Variants in STK32B observed in about 807,000 individuals in gnomAD.
STK32B encodes serine/threonine kinase 32B, also known as serine/threonine-protein kinase 32B.
In STK32B, 43 loss-of-function variants were observed where a neutral mutation model predicts 52.6. That is an observed-to-expected ratio of 0.82 (90% CI 0.64 to 1.05). The LOEUF (loss-of-function observed/expected upper bound fraction) is 1.05. Ranked by LOEUF, STK32B falls within the 50% of genes least tolerant of loss-of-function variation. The pLI is 0.00. For synonymous variants in STK32B, 238 were observed against 204.3 expected (o/e 1.17, Z -1.41); for missense variants, 621 against 534.6 (o/e 1.16, Z -1.59).
At chr4:5,100,404 TC>T (rs1218745071) in intron 1 of STK32B, among the ~76,000 whole-genome samples, 1 of 139,668 alleles carries the variant, frequency 7.2e-6, no homozygotes, top group Non-Finnish European at 1.5e-5. Flanking sequence ...CTTCTTTCCT[TC>T]CTCCCTCCCT....
At chr4:5,242,742 A>C (rs1213711231) in intron 3 of STK32B, among the ~76,000 whole-genome samples, 1 of 152,130 alleles carries the variant, frequency 6.6e-6, no homozygotes, top group East Asian at 1.9e-4. Flanking sequence ...TCCATCTTGC[A>C]TTAATTTTTG....
In STK32B at chr4:5,400,061, T is replaced by C. The variant is rs950736694; in HGVS notation, c.472+1817T>C. Among the ~76,000 whole-genome samples, 4 of 152,006 alleles carry C rather than the reference T, an allele frequency of 2.6e-5. No individual in the cohort carries two copies. The highest frequency in any genetic ancestry group is 1.3e-4 in the Admixed American group (2 of 15,266). Reference sequence around the variant, plus strand: ...CTGCAAAGCGGTCCAGAAGCAAAATTCAGACAGAAACATCAATAGCAATAA... The same window carrying C: ...CTGCAAAGCGGTCCAGAAGCAAAATCCAGACAGAAACATCAATAGCAATAA... On this transcript the variant is annotated intron_variant, in intron 5 of 11. Coordinates refer to ENST00000282908, the MANE Select transcript of STK32B (RefSeq NM_018401.3). The surrounding 1 kb of genome is among the most constrained non-coding windows in gnomAD (Gnocchi z 6.1).
At chr4:5,274,498 C>A (rs1032178245) in intron 3 of STK32B, among the ~76,000 whole-genome samples, 1 of 152,120 alleles carries the variant, frequency 6.6e-6, no homozygotes, top group Non-Finnish European at 1.5e-5. Flanking sequence ...GTGACCACAT[C>A]CACCTTTAAA....
In STK32B at chr4:5,257,807, G is replaced by A. The variant is rs537844819; in HGVS notation, c.261-73413G>A. Among the ~76,000 whole-genome samples the A allele has an allele frequency of 1.2e-4, 19 of 152,348 alleles. No individual in the cohort carries two copies. In the South Asian group the frequency reaches 3.7e-3, roughly 30 times the overall value. On this transcript the variant is annotated intron_variant, in intron 3 of 11. Transcript: ENST00000282908. ...AAAATACAAAAATTAGCTCTGTGTG[G>A]CGGCATGGGCCTGTAATCCCAGCTA... is the stretch of plus-strand genomic sequence containing the variant.
At chr4:5,198,987 AT>A (rs768527947) in intron 3 of STK32B, among the ~76,000 whole-genome samples, 2 of 152,062 alleles carry the variant, frequency 1.3e-5, no homozygotes, top group African/African-American at 2.4e-5. Context: ...CACTCTGACA[AT>A]TTCCATTTTG....
chr4:5,122,854 C>T (rs1373216194), intron 1 of STK32B, among the ~76,000 whole-genome samples: 1 of 152,118 alleles, frequency 6.6e-6, no homozygotes, highest in Admixed American at 6.5e-5. Context: ...CTGGTTCTCT[C>T]CCAGCTCTCT....
At chr4:5,448,173 C>T (rs968994961) in intron 7 of STK32B, among the ~76,000 whole-genome samples, 2 of 152,198 alleles carry the variant, frequency 1.3e-5, no homozygotes, top group Admixed American at 1.3e-4. Flanking sequence ...TCAGTTATTT[C>T]CCCTGAATTC....
intron 3 of STK32B, among the ~76,000 whole-genome samples, chr4:5,284,201 G>T (rs951162930): frequency 6.6e-5 from 10 of 152,018 alleles, no homozygotes; most frequent in Non-Finnish European, 1.5e-4. Context: ...AAGCCTCATG[G>T]CACCCGCAAA....
intron 2 of STK32B, among the ~76,000 whole-genome samples, chr4:5,140,551 A>C (rs1279555032): frequency 6.6e-6 from 1 of 152,144 alleles, no homozygotes; most frequent in Non-Finnish European, 1.5e-5. Context: ...AAAAGCTTAG[A>C]TGTGAAACAT....
chr4:5,481,925 T>C (rs1276813793), intron 11 of STK32B, among the ~76,000 whole-genome samples: 3 of 152,304 alleles, frequency 2.0e-5, no homozygotes, highest in Non-Finnish European at 4.4e-5. Context: ...GAGGGCTCTG[T>C]TCTGTTCCAT....
chr4:5,335,418 CA>C (rs1304660141), intron 4 of STK32B, among the ~76,000 whole-genome samples: 2 of 151,946 alleles, frequency 1.3e-5, no homozygotes, highest in Admixed American at 6.6e-5. Context: ...TTGATCCTTT[CA>C]AAAAAACCAG....
chr4:5,143,137 G>GTCTGTCTGTCTGTCTA (rs1553835341), intron 2 of STK32B, among the ~76,000 whole-genome samples: 1 of 150,822 alleles, frequency 6.6e-6, no homozygotes, highest in Non-Finnish European at 1.5e-5. Context: ...CTGTCTATCT[G>GTCTGTCTGTCTGTCTA]TCTGTCTATC....
intron 1 of STK32B, among the ~76,000 whole-genome samples, chr4:5,068,388 CTT>C (rs1711550110): frequency 6.6e-6 from 1 of 152,120 alleles, no homozygotes; most frequent in African/African-American, 2.4e-5. Flanking sequence ...GTTTTCCACT[CTT>C]GAGTTACTTC....
intron 1 of STK32B, among the ~76,000 whole-genome samples, chr4:5,071,472 C>T (rs1017200492): frequency 6.6e-6 from 1 of 152,152 alleles, no homozygotes; most frequent in Non-Finnish European, 1.5e-5. Flanking sequence ...TGTGCTGCAG[C>T]AGAATCCTCT....
chr4:5,357,054 C>T (rs987138267), intron 4 of STK32B, among the ~76,000 whole-genome samples: 2 of 144,540 alleles, frequency 1.4e-5, no homozygotes, highest in Non-Finnish European at 3.0e-5. Context: ...TATACACACA[C>T]ACATATATAC....
At chr4:5,476,616 T>G (rs967208164) in intron 11 of STK32B, among the ~76,000 whole-genome samples, 1 of 151,986 alleles carries the variant, frequency 6.6e-6, no homozygotes, top group African/African-American at 2.4e-5. Flanking sequence ...TTGAATTGTG[T>G]CCTCCTAAAG....
In STK32B at chr4:5,499,040, A is replaced by G. The variant is rs1720525768; in HGVS notation, c.1202A>G (p.Asn401Ser). The G allele has an allele frequency of 6.2e-7, 1 of 1,613,748 alleles. No homozygotes were observed. Among genetic ancestry groups the G allele is most frequent in the Non-Finnish European group, 8.5e-7 (1 of 1,179,806 alleles). ...AGCAAGCTCCAGGACGGGTGCAACA[A>G]CAACCTCCTCACCCACACCTGCACC... ...AQSKLQDGCN[N>S]NLLTHTCTRG... Residue 401 changes from asparagine (N) to serine (S), a missense_variant, in exon 12 of 12, where the codon AAC becomes AGC. Coordinates refer to ENST00000282908, the MANE Select transcript of STK32B (RefSeq NM_018401.3).
chr4:5,323,478 G>A (rs1731659195), intron 3 of STK32B, among the ~76,000 whole-genome samples: 1 of 152,166 alleles, frequency 6.6e-6, no homozygotes, highest in Non-Finnish European at 1.5e-5. Flanking sequence ...CGGCTATGGG[G>A]AGAGACTGGT....
At chr4:5,126,403 C>T (rs1352769295) in intron 1 of STK32B, among the ~76,000 whole-genome samples, 1 of 152,206 alleles carries the variant, frequency 6.6e-6, no homozygotes, top group Non-Finnish European at 1.5e-5. Flanking sequence ...GCCAGCCCTG[C>T]TGAGCGTGGC....
Sources: gnomAD v4.1 joint callset for allele counts (sites outside exome capture counted in the v4.1 genomes callset) on GRCh38, gnomAD v4.1.1 for gene constraint, Gnocchi (gnomAD v3.1) non-coding constraint, MANE v1.5 for transcripts, NCBI Gene and HGNC (gene_info 2026-07-23, HGNC 2026-07-21) for gene names.